CNTNAP2: variants seen among roughly 807,000 people sequenced by gnomAD.
CNTNAP2 encodes the protein contactin-associated protein-like 2.
Under a neutral mutation model 155.2 loss-of-function variants are expected in CNTNAP2, and 98 were observed. That is an observed-to-expected ratio of 0.63 (90% CI 0.54 to 0.75). The LOEUF (loss-of-function observed/expected upper bound fraction) is 0.75, where lower values mean the gene tolerates loss of function less well. Among genes scored for constraint, CNTNAP2 ranks in the 30% least tolerant of loss-of-function variants. The probability of loss-of-function intolerance (pLI) is 0.00; values close to 1 mark genes in which losing one functional copy is unlikely to be tolerated. For synonymous variants in CNTNAP2, 651 were observed against 631.2 expected (o/e 1.03, Z -0.47); for missense variants, 1,727 against 1,688.1 (o/e 1.02, Z -0.40).
At chr7:146,520,138 C>T (rs1797596754) in intron 1 of CNTNAP2, among the ~76,000 whole-genome samples, 1 of 150,788 alleles carries the variant, frequency 6.6e-6, no homozygotes, top group African/African-American at 2.4e-5. Context: ...CTACAATGAC[C>T]CAAAACCTTT....
At chr7:147,996,480 C>G (rs1216657199) in intron 15 of CNTNAP2, among the ~76,000 whole-genome samples, 1 of 152,152 alleles carries the variant, frequency 6.6e-6, no homozygotes, top group African/African-American at 2.4e-5. Context: ...CTGAAATTCT[C>G]CATTTATCAG....
intron 21 of CNTNAP2, among the ~76,000 whole-genome samples, chr7:148,282,330 AATACAGGCTCT>A (rs1796989304): frequency 6.6e-6 from 1 of 152,230 alleles, no homozygotes; most frequent in African/African-American, 2.4e-5. Context: ...GGTCAGGCTC[AATACAGGCTCT>A]GTGTCAGAAC....
chr7:146,300,026 G>A (rs903014361), intron 1 of CNTNAP2, among the ~76,000 whole-genome samples: 5 of 152,116 alleles, frequency 3.3e-5, no homozygotes, highest in African/African-American at 4.8e-5. Flanking sequence ...CATCAATTGC[G>A]TTATGCAAGA....
chr7:147,120,860 G>A (rs1473399184), intron 5 of CNTNAP2, 119 bp from the exon 6 acceptor site: 9 of 924,378 alleles, frequency 9.7e-6, no homozygotes, highest in Non-Finnish European at 1.4e-5. Context: ...AGGTTAACTC[G>A]AATGGATAGA....
intron 13 of CNTNAP2, among the ~76,000 whole-genome samples, chr7:147,873,986 C>CA (rs1170154769): frequency 2.0e-5 from 3 of 152,186 alleles, no homozygotes; most frequent in Middle Eastern, 3.2e-3. Context: ...CCTTTGACTC[C>CA]ATGACTCACA....
At chr7:147,977,305 T>C (rs1801441065) in intron 14 of CNTNAP2, among the ~76,000 whole-genome samples, 1 of 152,218 alleles carries the variant, frequency 6.6e-6, no homozygotes, top group Non-Finnish European at 1.5e-5. Flanking sequence ...CTCTTCATTG[T>C]AGATGGAAAT....
At chr7:146,591,998 A>T (rs1798790189) in intron 1 of CNTNAP2, among the ~76,000 whole-genome samples, 2 of 152,220 alleles carry the variant, frequency 1.3e-5, no homozygotes, top group Admixed American at 1.3e-4. Context: ...AAGCCAAAAG[A>T]GTCATTTTTC....
intron 10 of CNTNAP2, among the ~76,000 whole-genome samples, chr7:147,416,760 C>T (rs1269722116): frequency 6.6e-6 from 1 of 152,142 alleles, no homozygotes; most frequent in Non-Finnish European, 1.5e-5. Flanking sequence ...TCCTGCCTTG[C>T]AGATACCAGT....
At chr7:146,718,633 C>T (rs1801232531) in intron 1 of CNTNAP2, among the ~76,000 whole-genome samples, 1 of 152,158 alleles carries the variant, frequency 6.6e-6, no homozygotes. Context: ...CTGGCTGTCA[C>T]TATCAGTTAT....
At chr7:147,076,220 A>G (rs188909402) in intron 4 of CNTNAP2, among the ~76,000 whole-genome samples, 121 of 152,296 alleles carry the variant, frequency 7.9e-4, no homozygotes, top group African/African-American at 2.7e-3. Flanking sequence ...GTCTTCCACA[A>G]AGGTTGAACT....
At chr7:148,224,445 GGTAGTTT>G (rs1430348799) in intron 19 of CNTNAP2, among the ~76,000 whole-genome samples, 2 of 152,124 alleles carry the variant, frequency 1.3e-5, no homozygotes, top group African/African-American at 4.8e-5. Context: ...AGAAGTTCGT[GGTAGTTT>G]GAATGTAAAA....
intron 13 of CNTNAP2, among the ~76,000 whole-genome samples, chr7:147,680,642 T>C (rs1795934479): frequency 6.6e-6 from 1 of 151,894 alleles, no homozygotes; most frequent in African/African-American, 2.4e-5. Flanking sequence ...GCTGTGGCTA[T>C]ACCAGGGCAT....
intron 21 of CNTNAP2, among the ~76,000 whole-genome samples, chr7:148,351,753 A>AAAAAAAAAAAAAAAAAAAAAAAAAAAAAC (rs1563053986): frequency 6.6e-6 from 1 of 150,620 alleles, no homozygotes; most frequent in African/African-American, 2.4e-5. Context: ...ACAAAAAAAA[A>AAAAAAAAAAAAAAAAAAAAAAAAAAAAAC]AAAAAAATAG....
At chr7:147,540,273 A>G (rs776171644) in intron 11 of CNTNAP2, among the ~76,000 whole-genome samples, 19 of 151,902 alleles carry the variant, frequency 1.3e-4, no homozygotes, top group Non-Finnish European at 2.2e-4. Context: ...TCTTACCTCC[A>G]TCCTTTACAC....
At chr7:146,816,552 G>A (rs1215247946) in intron 2 of CNTNAP2, among the ~76,000 whole-genome samples, 1 of 152,118 alleles carries the variant, frequency 6.6e-6, no homozygotes, top group East Asian at 1.9e-4. Context: ...AATGTAAATG[G>A]GTATCTAGAC....
Position 146,787,320 on chromosome 7 carries a change from C to T in CNTNAP2, c.208+12939C>T, listed in dbSNP as rs543250959. Among the ~76,000 whole-genome samples, 92 of 152,222 alleles carry T rather than the reference C, an allele frequency of 6.0e-4. 2 individuals are homozygous for T. The highest frequency in any genetic ancestry group is 5.8e-4 in the African/African-American group (24 of 41,544). ...CTGACTTCAAGAATGAAGCTACGGA[C>T]CCTTGCGGTGAGGGTTACAGTTCTT... On this transcript the variant is annotated intron_variant, in intron 2 of 23. Transcript: ENST00000361727.
At chr7:146,408,032 A>T (rs563955471) in intron 1 of CNTNAP2, among the ~76,000 whole-genome samples, 1 of 152,342 alleles carries the variant, frequency 6.6e-6, no homozygotes, top group African/African-American at 2.4e-5. Context: ...TCTGACCAAC[A>T]GTAGGCTATT....
chr7:147,231,541 A>C (rs772719630), intron 8 of CNTNAP2, among the ~76,000 whole-genome samples: 3 of 152,208 alleles, frequency 2.0e-5, no homozygotes, highest in Non-Finnish European at 4.4e-5. Flanking sequence ...ACAAATTTAC[A>C]TTCCCACTAA....
At chr7:147,694,935 G>A (rs1362560487) in intron 13 of CNTNAP2, among the ~76,000 whole-genome samples, 1 of 151,784 alleles carries the variant, frequency 6.6e-6, no homozygotes, top group Non-Finnish European at 1.5e-5. Context: ...AAGTTTATAT[G>A]GCTGATTTTA....
Sources: allele counts gnomAD v4.1 joint callset (sites outside exome capture counted in the v4.1 genomes callset), GRCh38; gene constraint gnomAD v4.1.1; transcripts MANE v1.5; gene names NCBI Gene and HGNC (gene_info 2026-07-23, HGNC 2026-07-21).